Variants in IGSF3 observed in about 807,000 individuals in gnomAD.
IGSF3 encodes immunoglobulin superfamily member 3, also known as glu-Trp-Ile EWI motif-containing protein 3.
In IGSF3, 23 loss-of-function variants were observed where a neutral mutation model predicts 114.4. The ratio of observed to expected loss-of-function variants is 0.20; its 90% CI spans 0.14 to 0.28. The LOEUF is 0.28. IGSF3 is among the 10% of genes least tolerant of loss of function. The pLI, the probability that IGSF3 is intolerant of heterozygous loss-of-function variation, is 1.00. For synonymous variants in IGSF3, 571 were observed against 645.2 expected (o/e 0.88, Z 1.74); for missense variants, 1,172 against 1,591.5 (o/e 0.74, Z 4.48).
chr1:116,616,477 A>G lies in IGSF3; in HGVS notation c.44-20T>C. 6.3e-7 allele frequency: 1 copy of G among 1,576,758 alleles called. No individual in the cohort carries two copies. The highest frequency in any genetic ancestry group is 8.6e-7 in the Non-Finnish European group (1 of 1,156,360). On this transcript the variant is annotated intron_variant, in intron 2 of 10. Transcript: ENST00000369486. This position sits in a 1 kb window ranked among gnomAD's most constrained non-coding sequence, Gnocchi z 6.6. Reference sequence around the variant, plus strand: ...CCACACCTACGAGGGAGAGAAACACACACAACATGCTTACTTACTTCTCAG... The same window carrying G: ...CCACACCTACGAGGGAGAGAAACACGCACAACATGCTTACTTACTTCTCAG...
At position 116,608,122 on chromosome 1, in the gene IGSF3, G is replaced by T; in HGVS notation, c.1042C>A (p.Gln348Lys). The change falls in exon 5 of 11, where the codon CAG becomes AAG. Residue 348 changes from glutamine to lysine, a missense_variant. Coordinates refer to ENST00000369486, the MANE Select transcript of IGSF3 (RefSeq NM_001007237.3). ...TCGCTCTCTTTGGCCACCTTAAGCT[G>T]TCCCCTGGCTTCCCGGTGAGCAAAT... ...SEFAHREARG[Q>K]LKVAKESDSV... The T allele has an allele frequency of 6.2e-7, 1 of 1,613,924 alleles. No individual in the cohort carries two copies. The highest frequency in any genetic ancestry group is 8.5e-7 in the Non-Finnish European group (1 of 1,179,856).
Position 116,628,183 on chromosome 1 carries a change from A to G in IGSF3, c.44-11726T>C, listed in dbSNP as rs923255360. Among the ~76,000 whole-genome samples the G allele has an allele frequency of 6.6e-6, 1 of 152,190 alleles. No homozygotes were observed. Among genetic ancestry groups the G allele is most frequent in the Non-Finnish European group, 1.5e-5 (1 of 68,034 alleles). On this transcript the variant is annotated intron_variant, in intron 2 of 10. Coordinates refer to ENST00000369486, the MANE Select transcript of IGSF3 (RefSeq NM_001007237.3). The surrounding 1 kb of genome is among the most constrained non-coding windows in gnomAD (Gnocchi z 4.2). ...GCAACCCATGAGTGAGGATCACAGC[A>G]CAGCTATGCCTTGCAAGGACCAGAA...
chr1:116,646,224 G>A lies in IGSF3; in HGVS notation c.43+20060C>T, dbSNP rs1418796177. On this transcript the variant is annotated intron_variant, in intron 2 of 10. Coordinates refer to ENST00000369486, the MANE Select transcript of IGSF3 (RefSeq NM_001007237.3). ...GTGTGAACCCTTGGCTCTGTGACACGGAACACAAGTTTCAGCAGTTCCTGT... is the reference window on the plus strand; with the variant it reads ...GTGTGAACCCTTGGCTCTGTGACACAGAACACAAGTTTCAGCAGTTCCTGT... Among the ~76,000 whole-genome samples, 9 of 152,294 alleles carry A rather than the reference G, an allele frequency of 5.9e-5. No individual in the cohort carries two copies. The East Asian group carries it at 1.3e-3, about 23-fold the overall frequency.
chr1:116,577,863 C>G lies in IGSF3; in HGVS notation c.3335-301G>C, dbSNP rs905179132. Among the ~76,000 whole-genome samples the G allele has an allele frequency of 8.5e-5, 13 of 152,306 alleles. No homozygotes were observed. In the East Asian group the frequency reaches 2.3e-3, roughly 27 times the overall value. On this transcript the variant is annotated intron_variant, in intron 10 of 10. Transcript: ENST00000369486. The surrounding 1 kb of genome is among the most constrained non-coding windows in gnomAD (Gnocchi z 5.7). ...CATAATTTATTGATTGTGAACTCAA[C>G]TGCATCTAGAATGGTGAAGAAGCTG...
rs649850 is a variant in IGSF3, at chr1:116,585,851, T to C, written c.2441-799A>G. Among the ~76,000 whole-genome samples the C allele has an allele frequency of 0.52, 78,870 of 151,984 alleles. 23,882 individuals carry two copies. The highest frequency in any genetic ancestry group is 0.85 in the African/African-American group (35,146 of 41,500). On this transcript the variant is annotated intron_variant, in intron 8 of 10. Transcript: ENST00000369486. The surrounding 1 kb of genome is among the most constrained non-coding windows in gnomAD (Gnocchi z 4.9). ...GTTGCAGTGAGCTAAGATCGTGCCA[T>C]TGCACACTCCAGCCTGTGCAACAGA...
Position 116,616,053 on chromosome 1 carries a change from G to A in IGSF3, c.421+27C>T. 6.4e-7 allele frequency: 1 copy of A among 1,574,342 alleles called. No individual in the cohort carries two copies. On this transcript the variant is annotated intron_variant, in intron 3 of 10. Coordinates refer to ENST00000369486, the MANE Select transcript of IGSF3 (RefSeq NM_001007237.3). The surrounding 1 kb of genome is among the most constrained non-coding windows in gnomAD (Gnocchi z 6.6). Reference sequence around the variant, plus strand: ...AAAGAACTGAGTCAGGCCAGACGCTGGCAACGTGAAGACAGCTTCTCCTTA... The same window carrying A: ...AAAGAACTGAGTCAGGCCAGACGCTAGCAACGTGAAGACAGCTTCTCCTTA...
At chr1:116,622,367 A>C (rs1346012226) in intron 2 of IGSF3, among the ~76,000 whole-genome samples, 1 of 152,226 alleles carries the variant, frequency 6.6e-6, no homozygotes, top group Non-Finnish European at 1.5e-5. Flanking sequence ...GTGAGATATC[A>C]ATATATAAAC....
rs2336323 is a variant in IGSF3 at position 116,649,891 on chromosome 1, C to T, written c.43+16393G>A. Among the ~76,000 whole-genome samples the T allele has an allele frequency of 3.3e-5, 5 of 152,258 alleles. No individual in the cohort carries two copies. The highest frequency in any genetic ancestry group is 2.1e-4 in the South Asian group (1 of 4,824). On this transcript the variant is annotated intron_variant, in intron 2 of 10. Transcript: ENST00000369486. This position sits in a 1 kb window ranked among gnomAD's most constrained non-coding sequence, Gnocchi z 4.5. ...ACATAATCTCCCTGTTTTTTGGCAG[C>T]GCCACATCCACACCTGTCTTCACAG...
In IGSF3 at chr1:116,629,916, G is replaced by A. The variant is rs1387981472; in HGVS notation, c.44-13459C>T. ...GATGCCTTCATGAGGCATTAACAGA[G>A]ACTGTGAGCCCTGATGAAAATCATC... On this transcript the variant is annotated intron_variant, in intron 2 of 10. Transcript: ENST00000369486. The surrounding 1 kb of genome is among the most constrained non-coding windows in gnomAD (Gnocchi z 4.3). Among the ~76,000 whole-genome samples, 1 of 152,172 alleles carries A rather than the reference G, an allele frequency of 6.6e-6. No homozygotes were observed. Among genetic ancestry groups the A allele is most frequent in the African/African-American group, 2.4e-5 (1 of 41,418 alleles).
chr1:116,652,549 C>G (rs1312066334), intron 2 of IGSF3, among the ~76,000 whole-genome samples: 1 of 152,146 alleles, frequency 6.6e-6, no homozygotes, highest in Admixed American at 6.5e-5. Context: ...TGCAAGACAC[C>G]TTGGTAGCAG....
At chr1:116,590,538 G>C (rs1443701196) in intron 7 of IGSF3, among the ~76,000 whole-genome samples, 1 of 152,180 alleles carries the variant, frequency 6.6e-6, no homozygotes, top group Non-Finnish European at 1.5e-5. Flanking sequence ...TCCACCCAGG[G>C]ACAGCAACCT....
chr1:116,663,791 T>C (rs1381107336), intron 2 of IGSF3, among the ~76,000 whole-genome samples: 3 of 152,100 alleles, frequency 2.0e-5, no homozygotes, highest in Non-Finnish European at 4.4e-5. Context: ...CTAACTAAAA[T>C]TGCCATTTCT....
intron 2 of IGSF3, among the ~76,000 whole-genome samples, chr1:116,622,289 T>C (rs1215091407): frequency 6.6e-6 from 1 of 152,170 alleles, no homozygotes; most frequent in Non-Finnish European, 1.5e-5. Flanking sequence ...CAGGAGACCC[T>C]AGAGATCAAA....
chr1:116,631,686 C>G (rs1380549619), intron 2 of IGSF3, among the ~76,000 whole-genome samples: 3 of 152,174 alleles, frequency 2.0e-5, no homozygotes, highest in Non-Finnish European at 4.4e-5. Flanking sequence ...GAGGTCATCA[C>G]TGGACAGAGA....
At chr1:116,645,711 G>C (rs985417457) in intron 2 of IGSF3, among the ~76,000 whole-genome samples, 1 of 152,228 alleles carries the variant, frequency 6.6e-6, no homozygotes, top group East Asian at 1.9e-4. Flanking sequence ...TGAACACACA[G>C]AGCAAGCAAC....
chr1:116,643,591 G>T (rs61787762), intron 2 of IGSF3, among the ~76,000 whole-genome samples: 2,693 of 152,346 alleles, frequency 0.018, 35 homozygotes, highest in Middle Eastern at 0.058. Flanking sequence ...GTCCCGTGAG[G>T]TCCTCCTGGG....
At position 116,577,581 on chromosome 1, in the gene IGSF3, G is replaced by C. The variant is rs1287608635; in HGVS notation, c.3335-19C>G. 3 of 1,611,976 alleles carry C rather than the reference G, an allele frequency of 1.9e-6. No individual in the cohort carries two copies. The highest frequency in any genetic ancestry group is 2.5e-6 in the Non-Finnish European group (3 of 1,178,942). On this transcript the variant is annotated intron_variant, in intron 10 of 10. Transcript: ENST00000369486. The surrounding 1 kb of genome is among the most constrained non-coding windows in gnomAD (Gnocchi z 5.7). ...GTGGGACCTGAAAAGAATCATGAGA[G>C]AGACAAGACAATGAGGGCTGAGAAC...
At chr1:116,663,714 T>G (rs1981183) in intron 2 of IGSF3, among the ~76,000 whole-genome samples, 6 of 151,870 alleles carry the variant, frequency 4.0e-5, no homozygotes, top group African/African-American at 1.5e-4. Flanking sequence ...AGGTCTGTCA[T>G]GTTGAGGGAG....
chr1:116,581,625 C>G (rs1659605131), intron 9 of IGSF3, among the ~76,000 whole-genome samples: 1 of 152,182 alleles, frequency 6.6e-6, no homozygotes, highest in African/African-American at 2.4e-5. Flanking sequence ...GGGGCTCTGC[C>G]AAGCCCCTCT....
Sources: allele counts gnomAD v4.1 joint callset (sites outside exome capture counted in the v4.1 genomes callset), GRCh38; gene constraint gnomAD v4.1.1; non-coding constraint Gnocchi (gnomAD v3.1); transcripts MANE v1.5; gene names NCBI Gene and HGNC (gene_info 2026-07-23, HGNC 2026-07-21).